Variants in MYO16 observed in about 807,000 individuals in gnomAD.
MYO16 encodes unconventional myosin-XVI.
MYO16 carries 94 observed loss-of-function variants against 205.3 expected under a neutral mutation model. That is an observed-to-expected ratio of 0.46 (90% confidence interval 0.39 to 0.54). MYO16 has a LOEUF of 0.54. Among genes scored for constraint, MYO16 ranks in the 20% least tolerant of loss-of-function variants. MYO16 has a pLI of 0.00. For synonymous variants in MYO16, 988 were observed against 954.0 expected, an observed-to-expected ratio of 1.04 and a Z score of -0.66; for missense variants, 2,315 against 2,387.5, an observed-to-expected ratio of 0.97 and a Z score of 0.63.
intron 3 of MYO16, among the ~76,000 whole-genome samples, chr13:108,727,194 G>A (rs1035288731): frequency 1.3e-5 from 2 of 151,058 alleles, no homozygotes; most frequent in South Asian, 2.1e-4. Context: ...TACTTTTTTC[G>A]ACCTTCCTAC....
At chr13:108,522,766 TTGTG>T in the MYO16 span, among the ~76,000 whole-genome samples, 1 of 149,758 alleles carries the variant, frequency 6.7e-6, no homozygotes, top group African/African-American at 2.4e-5. Flanking sequence ...GTGTGTGTGT[TTGTG>T]TGTGTGTGTG....
intron 2 of MYO16, among the ~76,000 whole-genome samples, chr13:108,709,347 T>C (rs997323904): frequency 6.6e-6 from 1 of 152,202 alleles, no homozygotes; most frequent in African/African-American, 2.4e-5. Flanking sequence ...TGGATCTTGA[T>C]CCTGGCTGTG....
chr13:108,827,859 G>A (rs547620130), intron 9 of MYO16, among the ~76,000 whole-genome samples: 1 of 152,026 alleles, frequency 6.6e-6, no homozygotes, highest in Non-Finnish European at 1.5e-5. Context: ...CTCACCCAGG[G>A]TTTTTCATCA....
intron 23 of MYO16, among the ~76,000 whole-genome samples, chr13:109,021,674 A>T (rs1028821864): frequency 1.3e-5 from 2 of 152,070 alleles, no homozygotes; most frequent in African/African-American, 4.8e-5. Flanking sequence ...CCTACCTAGT[A>T]TTTGGGAAGT....
At chr13:108,651,056 A>G (rs1239505580) in intron 1 of MYO16, among the ~76,000 whole-genome samples, 2 of 152,174 alleles carry the variant, frequency 1.3e-5, no homozygotes, top group African/African-American at 4.8e-5. Flanking sequence ...AAAGTCACAC[A>G]AGCAATAAAC....
In MYO16 at chr13:108,972,351, C is replaced by CATCTATATATATATATATAT. The variant is rs1406677239; in HGVS notation, c.2369+7451_2369+7452insCTATATATATATATATATAT. ...CCATCTATATATATATATATATAGC[C>CATCTATATATATATATATAT]ATATATATATATATATATATATATA... On this transcript the variant is annotated intron_variant, in intron 20 of 34. Transcript: ENST00000457511. Among the ~76,000 whole-genome samples the CATCTATATATATATATATAT allele has an allele frequency of 7.4e-4, 13 of 17,456 alleles. 3 individuals carry two copies. Among genetic ancestry groups the CATCTATATATATATATATAT allele is most frequent in the African/African-American group, 1.1e-3 (7 of 6,274 alleles). The allele number at this position is 17,456 out of a possible 152,430, so 11.5% of individuals were successfully genotyped here.
the MYO16 span, among the ~76,000 whole-genome samples, chr13:108,557,029 C>T: frequency 6.6e-6 from 1 of 152,110 alleles, no homozygotes; most frequent in Non-Finnish European, 1.5e-5. Context: ...ATTTTAATTA[C>T]CATAGCCGCC....
intron 20 of MYO16, among the ~76,000 whole-genome samples, chr13:108,967,216 A>G (rs530872691): frequency 6.6e-6 from 1 of 152,042 alleles, no homozygotes; most frequent in South Asian, 2.1e-4. Context: ...GAGAATAAAT[A>G]TCACTACAAT....
intron 21 of MYO16, 145 bp from the exon 22 acceptor site, chr13:109,008,751 TG>T: frequency 3.0e-5 from 15 of 494,626 alleles, no homozygotes; most frequent in South Asian, 2.1e-4. Context: ...TATGCACTAC[TG>T]TACTATCTTG....
At chr13:108,962,068 GA>G (rs994343817) in intron 18 of MYO16, among the ~76,000 whole-genome samples, 3 of 152,088 alleles carry the variant, frequency 2.0e-5, no homozygotes, top group African/African-American at 7.2e-5. Context: ...GTCGCTCCCA[GA>G]TTTTTAAAAA....
At chr13:109,024,306 T>C (rs900349040) in intron 23 of MYO16, among the ~76,000 whole-genome samples, 2 of 151,864 alleles carry the variant, frequency 1.3e-5, no homozygotes, top group African/African-American at 4.8e-5. Flanking sequence ...GGAAATTACT[T>C]TTCCTAAGGT....
intron 10 of MYO16, among the ~76,000 whole-genome samples, chr13:108,850,981 A>G (rs960566776): frequency 2.0e-5 from 3 of 152,224 alleles, no homozygotes; most frequent in African/African-American, 7.2e-5. Context: ...CAAATGCAGA[A>G]CTTCTGTTAG....
intron 14 of MYO16, among the ~76,000 whole-genome samples, chr13:108,894,828 T>TA (rs1278352649): frequency 6.6e-6 from 1 of 152,190 alleles, no homozygotes; most frequent in Non-Finnish European, 1.5e-5. Flanking sequence ...TAAGAGCAGT[T>TA]AGGAAGGGCT....
At chr13:108,579,809 G>GA in the MYO16 span, among the ~76,000 whole-genome samples, 698 of 152,204 alleles carry the variant, frequency 4.6e-3, 6 homozygotes, top group African/African-American at 0.016. Flanking sequence ...TAATTCTGTA[G>GA]AAAAATAAAG....
chr13:108,946,318 A>G (rs1247010081), intron 16 of MYO16, among the ~76,000 whole-genome samples: 1 of 151,870 alleles, frequency 6.6e-6, no homozygotes. Context: ...CTTTTATGGC[A>G]TAAATTTTTC....
At chr13:108,576,814 T>A in the MYO16 span, among the ~76,000 whole-genome samples, 2 of 152,094 alleles carry the variant, frequency 1.3e-5, no homozygotes, top group East Asian at 3.9e-4. Flanking sequence ...CAGGCTGGAG[T>A]GCAGTGGTGC....
intron 1 of MYO16, among the ~76,000 whole-genome samples, chr13:108,603,100 A>C (rs1878825059): frequency 6.6e-6 from 1 of 152,206 alleles, no homozygotes; most frequent in African/African-American, 2.4e-5. Context: ...TGTTTTAAAA[A>C]ATATATTCCA....
At chr13:108,973,790 G>A (rs1326042359) in intron 20 of MYO16, among the ~76,000 whole-genome samples, 5 of 152,038 alleles carry the variant, frequency 3.3e-5, no homozygotes, top group East Asian at 1.9e-4. Context: ...ATAGAGAATC[G>A]GCACTAATAA....
intron 4 of MYO16, among the ~76,000 whole-genome samples, chr13:108,732,320 T>C (rs981472737): frequency 2.0e-5 from 3 of 152,100 alleles, no homozygotes; most frequent in African/African-American, 7.2e-5. Context: ...TTACATTCTA[T>C]TAAGGAAAAG....
Sources: allele counts gnomAD v4.1 joint callset (sites outside exome capture counted in the v4.1 genomes callset), GRCh38; gene constraint gnomAD v4.1.1; transcripts MANE v1.5; gene names NCBI Gene and HGNC (gene_info 2026-07-23, HGNC 2026-07-21).